COL11A1: variants seen among roughly 807,000 people sequenced by gnomAD.
COL11A1 encodes collagen type XI alpha 1 chain.
A neutral mutation model predicts 265.2 loss-of-function variants in COL11A1; 74 were observed. That is an observed-to-expected ratio of 0.28 (90% CI 0.23 to 0.34). The LOEUF (loss-of-function observed/expected upper bound fraction) is 0.34. Among genes scored for constraint, COL11A1 ranks in the 10% least tolerant of loss-of-function variants. The pLI is 1.00. For missense variants in COL11A1, 2,165 were observed against 2,263.6 expected, an observed-to-expected ratio of 0.96 and a Z score of 0.88; for synonymous variants, 816 against 727.6, an observed-to-expected ratio of 1.12 and a Z score of -1.96.
intron 41 of COL11A1, among the ~76,000 whole-genome samples, chr1:102,961,253 T>C (rs1356911800): frequency 1.3e-5 from 2 of 152,150 alleles, no homozygotes; most frequent in Non-Finnish European, 2.9e-5. Flanking sequence ...GATTGATATG[T>C]ATCTCAAGAA....
At chr1:103,074,545 C>T (rs1671824076) in intron 4 of COL11A1, 73 bp downstream of exon 4, 16 of 1,543,152 alleles carry the variant, frequency 1.0e-5, no homozygotes, top group East Asian at 4.5e-5. Flanking sequence ...TGCTATAAAG[C>T]GATATTTTTA....
intron 1 of COL11A1, 84 bp from the exon 2 acceptor site, chr1:103,083,056 T>C (rs1362544101): frequency 7.6e-7 from 1 of 1,310,648 alleles, no homozygotes; most frequent in Non-Finnish European, 1.1e-6. Flanking sequence ...GGATAGTATG[T>C]CATTTCATAC....
chr1:103,031,360 C>A, intron 4 of COL11A1, 116 bp from the exon 5 acceptor site: 1 of 1,248,502 alleles, frequency 8.0e-7, no homozygotes, highest in Non-Finnish European at 1.1e-6. Flanking sequence ...AGAAAAATGA[C>A]CTACTTATAT....
intron 28 of COL11A1, among the ~76,000 whole-genome samples, chr1:102,989,986 G>A (rs191974313): frequency 1.7e-4 from 26 of 152,182 alleles, no homozygotes; most frequent in South Asian, 6.2e-4. Flanking sequence ...AGGAGTTTGA[G>A]GCCAACCTGG....
intron 24 of COL11A1, among the ~76,000 whole-genome samples, chr1:102,999,761 A>G (rs1361516947): frequency 6.6e-6 from 1 of 151,930 alleles, no homozygotes; most frequent in Non-Finnish European, 1.5e-5. Context: ...ATACAATTAA[A>G]CATTACTATT....
chr1:103,053,408 C>T (rs1432081957), intron 4 of COL11A1, among the ~76,000 whole-genome samples: 2 of 152,128 alleles, frequency 1.3e-5, no homozygotes, highest in Non-Finnish European at 2.9e-5. Context: ...CAACAGGATA[C>T]CTTGAGGCTG....
chr1:102,962,417 A>T (rs1661006314), intron 39 of COL11A1, 152 bp from the exon 40 acceptor site: 1 of 749,420 alleles, frequency 1.3e-6, no homozygotes. Context: ...CATTAAAATG[A>T]ACTACCCACT....
intron 35 of COL11A1, among the ~76,000 whole-genome samples, chr1:102,977,351 A>C (rs758679038): frequency 1.7e-4 from 26 of 152,194 alleles, no homozygotes; most frequent in Non-Finnish European, 2.6e-4. Flanking sequence ...ATAGTTATTG[A>C]AAATGAATCC....
rs758354863 is a variant in COL11A1, at chr1:102,998,338, G to T, written c.2168C>A (p.Ala723Asp). 33 of 1,604,702 alleles carry T rather than the reference G, an allele frequency of 2.1e-5. No individual in the cohort carries two copies. The highest frequency in any genetic ancestry group is 2.6e-5 in the Non-Finnish European group (30 of 1,175,064). ...AGGCCCATCAGCACCAGGAAGTCCA[G>T]CAAGTCCTGGTTTTCCTTGTGGTCC... is the stretch of plus-strand genomic sequence containing the variant. The part of the protein sequence containing the change: ...EKGPQGKPGL[A>D]GLPGADGPPG... Residue 723 changes from alanine to aspartate, a missense_variant, in exon 25 of 67, where the codon GCT becomes GAT. By Grantham distance (126) the Ala-to-Asp change is moderately radical. Coordinates refer to ENST00000370096, the MANE Select transcript of COL11A1 (RefSeq NM_001854.4).
intron 46 of COL11A1, among the ~76,000 whole-genome samples, chr1:102,927,710 G>A (rs906501087): frequency 1.3e-5 from 2 of 151,912 alleles, no homozygotes; most frequent in Non-Finnish European, 2.9e-5. Flanking sequence ...TTGTTTAAGA[G>A]TCCAATTGTA....
chr1:102,966,379 A>T (rs1008110840), intron 37 of COL11A1, among the ~76,000 whole-genome samples: 5 of 152,192 alleles, frequency 3.3e-5, no homozygotes, highest in African/African-American at 1.2e-4. Context: ...TAGAAAAAAA[A>T]TGGGTAGGAA....
chr1:103,098,597 T>A (rs1673980327), intron 1 of COL11A1, among the ~76,000 whole-genome samples: 1 of 151,932 alleles, frequency 6.6e-6, no homozygotes, highest in Non-Finnish European at 1.5e-5. Flanking sequence ...TTACTGGCTA[T>A]CTATTTTCCT....
At chr1:102,952,266 T>C (rs1659964332) in intron 41 of COL11A1, among the ~76,000 whole-genome samples, 1 of 152,046 alleles carries the variant, frequency 6.6e-6, no homozygotes, top group Non-Finnish European at 1.5e-5. Context: ...GTCCAGGTAA[T>C]TTTTGTATTT....
intron 3 of COL11A1, among the ~76,000 whole-genome samples, chr1:103,075,414 C>T (rs1671898925): frequency 6.6e-6 from 1 of 152,138 alleles, no homozygotes; most frequent in Non-Finnish European, 1.5e-5. Flanking sequence ...CAATATCTTT[C>T]CTTCTTTCCA....
rs1655993743 is a variant in COL11A1, at chr1:102,921,557, A to G, written c.3669T>C (p.Pro1223=). The stretch of plus-strand genomic sequence containing the variant: ...GACCTTGAGGGCCTCTTGGGCCTGG[A>G]GGACCAGGTGGCCCCTGTAAGAGAG... The part of the protein sequence containing the change: ...GDVGPMGPPG[P]PGPRGPQGPN... The change falls in exon 48 of 67, where the codon CCT becomes CCC. Residue 1223 remains proline, a synonymous_variant. Coordinates refer to ENST00000370096, the MANE Select transcript of COL11A1 (RefSeq NM_001854.4). 2 of 1,613,172 alleles carry G rather than the reference A, an allele frequency of 1.2e-6. No homozygotes were observed. Among genetic ancestry groups the G allele is most frequent in the Non-Finnish European group, 1.7e-6 (2 of 1,179,468 alleles).
intron 7 of COL11A1, 79 bp downstream of exon 7, chr1:103,025,442 C>T: frequency 1.0e-6 from 1 of 991,910 alleles, no homozygotes; most frequent in Non-Finnish European, 1.6e-6. Flanking sequence ...ATTATAGATT[C>T]TTCCAGAGTG....
At chr1:102,948,678 C>T (rs1419030941) in intron 41 of COL11A1, among the ~76,000 whole-genome samples, 1 of 151,816 alleles carries the variant, frequency 6.6e-6, no homozygotes, top group Non-Finnish European at 1.5e-5. Flanking sequence ...AAAGAGGAGG[C>T]TATAGTTATA....
At position 102,890,436 on chromosome 1, in the gene COL11A1, T is replaced by C. The variant is rs1374573409; in HGVS notation, c.4356+15A>G. 2 of 1,601,328 alleles carry C rather than the reference T, an allele frequency of 1.2e-6. No individual in the cohort carries two copies. The highest frequency in any genetic ancestry group is 1.7e-6 in the Non-Finnish European group (2 of 1,172,170). ...AGCATATTCTTTTATTAATAACACA[T>C]TCTTTTATTCTCACCTTTTCACCCT... On this transcript the variant is annotated intron_variant, in intron 58 of 66. Transcript: ENST00000370096.
chr1:103,004,073 T>C (rs1271818534), intron 20 of COL11A1, among the ~76,000 whole-genome samples: 1 of 152,176 alleles, frequency 6.6e-6, no homozygotes, highest in African/African-American at 2.4e-5. Flanking sequence ...ATGTCTGGTA[T>C]ATTCCAAGTG....
Sources: allele counts gnomAD v4.1 joint callset (sites outside exome capture counted in the v4.1 genomes callset), GRCh38; gene constraint gnomAD v4.1.1; transcripts MANE v1.5; gene names NCBI Gene and HGNC (gene_info 2026-07-23, HGNC 2026-07-21).